Variants in SLC9C1 observed in about 807,000 individuals in gnomAD.
SLC9C1 encodes solute carrier family 9 member C1.
SLC9C1 carries 97 observed loss-of-function variants against 140.9 expected under a neutral mutation model. That is an observed-to-expected ratio of 0.69 (90% CI 0.58 to 0.82). The LOEUF (loss-of-function observed/expected upper bound fraction) is 0.82, where lower values mean the gene tolerates loss of function less well. SLC9C1 is among the 40% of genes least tolerant of loss of function. SLC9C1 has a pLI of 0.00. For missense variants in SLC9C1, 1,340 were observed against 1,389.3 expected (o/e 0.96, Z 0.56); for synonymous variants, 440 against 442.6 (o/e 0.99, Z 0.07).
chr3:112,148,673 G>A (rs925054311), intron 28 of SLC9C1, among the ~76,000 whole-genome samples: 6 of 152,130 alleles, frequency 3.9e-5, no homozygotes, highest in Non-Finnish European at 8.8e-5. Context: ...TACTTGACCC[G>A]TGTTTACTGG....
rs571751769 is a variant in SLC9C1, at chr3:112,282,302, A to C, written c.89-1519T>G. 3.3e-5 allele frequency among the ~76,000 whole-genome samples: 5 copies of C among 152,386 alleles called. No individual in the cohort carries two copies. In the South Asian group the frequency reaches 1.0e-3, roughly 32 times the overall value. On this transcript the variant is annotated intron_variant, in intron 2 of 28. Coordinates refer to ENST00000305815, the MANE Select transcript of SLC9C1 (RefSeq NM_183061.3). ...GGTTACCAAGATACAGAAATAGTTT[A>C]GTCAAACTACAAGTGGACTGGTTGA... is the stretch of plus-strand genomic sequence containing the variant.
At chr3:112,266,884 C>A (rs2079932870) in intron 7 of SLC9C1, among the ~76,000 whole-genome samples, 1 of 152,074 alleles carries the variant, frequency 6.6e-6, no homozygotes, top group Admixed American at 6.6e-5. Flanking sequence ...TTACTGTAGA[C>A]CTATTAAAAC....
intron 6 of SLC9C1, 43 bp downstream of exon 6, chr3:112,274,854 C>T: frequency 1.4e-6 from 2 of 1,423,718 alleles, no homozygotes; most frequent in Non-Finnish European, 1.9e-6. Context: ...TCAGAAAATA[C>T]AGGATTCTGA....
In SLC9C1 at chr3:112,263,061, G is replaced by A. The variant is rs766168178; in HGVS notation, c.1060C>T (p.Arg354Ter). ...TLLLISPVLS[R>*]VGHEFSWRWI... ...CGCCAACTGAACTCATGACCAACTC[G>A]AGACAAAACAGGGCTTATTAAAAGA... Residue 354 changes from arginine to a stop codon, truncating the protein, a stop_gained, in exon 10 of 29, where the codon CGA (arginine) becomes TGA (stop). Coordinates refer to ENST00000305815, the MANE Select transcript of SLC9C1 (RefSeq NM_183061.3). LOFTEE classifies it high-confidence loss of function. The A allele has an allele frequency of 4.4e-6, 7 of 1,590,834 alleles. No individual in the cohort carries two copies. The highest frequency in any genetic ancestry group is 2.3e-5 in the East Asian group (1 of 43,532).
chr3:112,251,138 A>C (rs1005099318), intron 10 of SLC9C1, among the ~76,000 whole-genome samples: 13 of 152,156 alleles, frequency 8.5e-5, no homozygotes, highest in African/African-American at 2.9e-4. Context: ...GGAGAGAAAT[A>C]GAAGGGGTGA....
At chr3:112,156,797 G>C (rs542650096) in intron 26 of SLC9C1, among the ~76,000 whole-genome samples, 1 of 151,580 alleles carries the variant, frequency 6.6e-6, no homozygotes, top group Non-Finnish European at 1.5e-5. Context: ...GCATTTTTTC[G>C]TCTATCTGTT....
At position 112,208,217 on chromosome 3, in the gene SLC9C1, G is replaced by A; in HGVS notation, c.1947C>T (p.Tyr649=). The change falls in exon 16 of 29, where the codon TAC becomes TAT. Residue 649 remains tyrosine, a synonymous_variant. Coordinates refer to ENST00000305815, the MANE Select transcript of SLC9C1 (RefSeq NM_183061.3). ...CTAGAATATAAAGTGTAAGAAAACA[G>A]TAGTTAGTGTGTTTTAATTCGCTGT... is the stretch of plus-strand genomic sequence containing the variant. ...IYHSELKHTN[Y]CFLTLYILEA... is the part of the protein sequence containing the mutation. 3.1e-6 allele frequency: 5 copies of A among 1,609,974 alleles called. No homozygotes were observed. Among genetic ancestry groups the A allele is most frequent in the Non-Finnish European group, 4.2e-6 (5 of 1,178,502 alleles).
At chr3:112,283,469 C>A (rs2080414133) in intron 2 of SLC9C1, among the ~76,000 whole-genome samples, 1 of 122,520 alleles carries the variant, frequency 8.2e-6, no homozygotes, top group Non-Finnish European at 1.7e-5. Flanking sequence ...AGAGCAAAAC[C>A]CTATCTCTAA....
intron 7 of SLC9C1, among the ~76,000 whole-genome samples, chr3:112,269,342 T>A (rs1192317548): frequency 6.6e-6 from 1 of 152,196 alleles, no homozygotes; most frequent in Non-Finnish European, 1.5e-5. Context: ...AATCCTGGGC[T>A]CAGTTGATCC....
In SLC9C1 at chr3:112,235,354, T is replaced by C. The variant is rs562442931; in HGVS notation, c.1447-3868A>G. On this transcript the variant is annotated intron_variant, in intron 12 of 28. Transcript: ENST00000305815. ...CCTGAGACTTTGCTGAAGTTGCTTA[T>C]GAGCTTAAGGAGATTTTGGGCTGAG... Among the ~76,000 whole-genome samples, 6 of 148,994 alleles carry C rather than the reference T, an allele frequency of 4.0e-5. No homozygotes were observed. The East Asian group carries it at 1.2e-3, about 29-fold the overall frequency.
intron 3 of SLC9C1, among the ~76,000 whole-genome samples, chr3:112,279,361 C>A (rs140614011): frequency 1.2e-3 from 187 of 152,246 alleles, no homozygotes; most frequent in African/African-American, 4.3e-3. Flanking sequence ...TCCTCCAGAG[C>A]AAATGACAGG....
At position 112,289,235 on chromosome 3, in the gene SLC9C1, G is replaced by A. The variant is rs56089255; in HGVS notation, c.-87-2357C>T. ...GTTTTGTTTGTTATTTATTTGTTGC[G>A]GTGAAGGAGATGACTCACCATGGGA... On this transcript the variant is annotated intron_variant, in intron 1 of 28. Transcript: ENST00000305815. 4.9e-3 allele frequency among the ~76,000 whole-genome samples: 748 copies of A among 152,242 alleles called. 12 individuals are homozygous for A. The highest frequency in any genetic ancestry group is 0.016 in the African/African-American group (658 of 41,532).
At position 112,292,789 on chromosome 3, in the gene SLC9C1, C is replaced by T. The variant is rs545741624; in HGVS notation, c.-88+1304G>A. 9.9e-5 allele frequency among the ~76,000 whole-genome samples: 15 copies of T among 151,566 alleles called. No individual in the cohort carries two copies. The South Asian group carries it at 2.3e-3, about 23-fold the overall frequency. ...CGATCTCCTGACCTTGTGATCTGCC[C>T]GCCTCGGCCTCCCAAAGTGCTGGGA... On this transcript the variant is annotated intron_variant, in intron 1 of 28. Coordinates refer to ENST00000305815, the MANE Select transcript of SLC9C1 (RefSeq NM_183061.3).
chr3:112,197,617 T>C (rs1444967862), intron 20 of SLC9C1, among the ~76,000 whole-genome samples: 1 of 152,158 alleles, frequency 6.6e-6, no homozygotes, highest in Admixed American at 6.5e-5. Context: ...CAAACCTTCA[T>C]AGAATTCAGA....
Position 112,169,205 on chromosome 3 carries a change from A to T in SLC9C1, c.3043T>A (p.Ser1015Thr). The change falls in exon 24 of 29, where the codon TCT becomes ACT. Residue 1015 changes from serine to threonine, a missense_variant. Ser to Thr is a moderately conservative substitution (Grantham distance 58). Coordinates refer to ENST00000305815, the MANE Select transcript of SLC9C1 (RefSeq NM_183061.3). ...ITARKIREHL[S>T]YEDWNYNMQL... ...ATACAAGCACTTCCTACCTCATAAG[A>T]TAAGTGTTCTCTGATTTTTCTGGCT... 1 of 1,612,516 alleles carries T rather than the reference A, an allele frequency of 6.2e-7. No homozygotes were observed. The highest frequency in any genetic ancestry group is 8.5e-7 in the Non-Finnish European group (1 of 1,179,522).
intron 14 of SLC9C1, among the ~76,000 whole-genome samples, chr3:112,219,412 T>C (rs1193013514): frequency 1.3e-5 from 2 of 152,212 alleles, no homozygotes; most frequent in Non-Finnish European, 1.5e-5. Flanking sequence ...ATTGGTAATA[T>C]ATAGCTTTGC....
At chr3:112,236,431 C>G (rs1474500152) in intron 12 of SLC9C1, among the ~76,000 whole-genome samples, 1 of 152,170 alleles carries the variant, frequency 6.6e-6, no homozygotes, top group African/African-American at 2.4e-5. Context: ...CTCCTGGATT[C>G]ATTGATTTTT....
At chr3:112,204,066 G>A (rs2077977481) in intron 17 of SLC9C1, 152 bp downstream of exon 17, 2 of 857,756 alleles carry the variant, frequency 2.3e-6, no homozygotes, top group Non-Finnish European at 3.1e-6. Flanking sequence ...GAAATGTTAT[G>A]AAACTTAATT....
intron 2 of SLC9C1, among the ~76,000 whole-genome samples, chr3:112,285,190 G>A (rs1470428572): frequency 6.6e-6 from 1 of 151,858 alleles, no homozygotes; most frequent in Admixed American, 6.6e-5. Context: ...GTTTCACCAT[G>A]TTAGCCAGGA....
Sources: allele counts gnomAD v4.1 joint callset (sites outside exome capture counted in the v4.1 genomes callset), GRCh38; gene constraint gnomAD v4.1.1; transcripts MANE v1.5; gene names NCBI Gene and HGNC (gene_info 2026-07-23, HGNC 2026-07-21).